The following TBC1D22A variants were observed in gnomAD, a reference collection of about 807,000 sequenced individuals.
The protein encoded by TBC1D22A is TBC1 domain family member 22A.
A neutral mutation model predicts 60.2 loss-of-function variants in TBC1D22A; 38 were observed. The ratio of observed to expected loss-of-function variants is 0.63; its 90% CI spans 0.49 to 0.83. The LOEUF is 0.83. Ranked by LOEUF, TBC1D22A falls within the 40% of genes least tolerant of loss-of-function variation. The pLI is 0.00. For missense variants in TBC1D22A, 628 were observed against 701.0 expected (o/e 0.90, Z 1.18); for synonymous variants, 302 against 281.7 (o/e 1.07, Z -0.72).
At chr22:46,956,481 A>AT (rs1569269791) in intron 8 of TBC1D22A, among the ~76,000 whole-genome samples, 2 of 152,242 alleles carry the variant, frequency 1.3e-5, no homozygotes, top group African/African-American at 2.4e-5. Context: ...ACTTACAAGT[A>AT]TCATGTAATA....
chr22:47,143,089 A>G lies in TBC1D22A; in HGVS notation c.1426-30409A>G, dbSNP rs141388896. Among the ~76,000 whole-genome samples, 903 of 152,078 alleles carry G rather than the reference A, an allele frequency of 5.9e-3. 7 individuals are homozygous for G. Among genetic ancestry groups the G allele is most frequent in the African/African-American group, 0.021 (852 of 41,506 alleles). ...AACTCCCCAGAGGAAGGTACTGGGA[A>G]GAGAGTGCCCCACCTAAGCCTTGGC... On this transcript the variant is annotated intron_variant, in intron 12 of 12. Coordinates refer to ENST00000337137, the MANE Select transcript of TBC1D22A (RefSeq NM_014346.5).
chr22:47,034,379 G>C (rs1041064898), intron 10 of TBC1D22A, among the ~76,000 whole-genome samples: 4 of 152,222 alleles, frequency 2.6e-5, no homozygotes, highest in Non-Finnish European at 5.9e-5. Context: ...TGGCACGTCA[G>C]CATCTTCTCT....
At chr22:46,815,447 C>T (rs1205045476) in intron 4 of TBC1D22A, among the ~76,000 whole-genome samples, 2 of 152,246 alleles carry the variant, frequency 1.3e-5, no homozygotes, top group East Asian at 1.9e-4. Flanking sequence ...GATGTTTTCT[C>T]GCTCAGAGTA....
intron 1 of TBC1D22A, among the ~76,000 whole-genome samples, chr22:46,770,000 C>T (rs2083432867): frequency 6.6e-6 from 1 of 152,120 alleles, no homozygotes; most frequent in Non-Finnish European, 1.5e-5. Flanking sequence ...GTGTCCTCAT[C>T]CTCATCCCTG....
intron 5 of TBC1D22A, among the ~76,000 whole-genome samples, chr22:46,884,882 A>G (rs947212332): frequency 2.0e-5 from 3 of 152,182 alleles, no homozygotes; most frequent in Admixed American, 6.5e-5. Context: ...GGGAGGGGCC[A>G]TGGTGAGTGA....
chr22:46,801,200 A>G (rs2146958700), intron 4 of TBC1D22A, among the ~76,000 whole-genome samples: 1 of 152,360 alleles, frequency 6.6e-6, no homozygotes, highest in African/African-American at 2.4e-5. Context: ...TCAAAGTTAA[A>G]CGATGACTGC....
At chr22:47,085,917 C>G (rs967493574) in intron 11 of TBC1D22A, among the ~76,000 whole-genome samples, 4 of 152,196 alleles carry the variant, frequency 2.6e-5, no homozygotes, top group Admixed American at 6.5e-5. Flanking sequence ...ACTTGCTGTC[C>G]ACCCATACGT....
intron 4 of TBC1D22A, among the ~76,000 whole-genome samples, chr22:46,870,697 G>A (rs2067257170): frequency 6.6e-6 from 1 of 152,194 alleles, no homozygotes; most frequent in African/African-American, 2.4e-5. Flanking sequence ...CAAGGTGCCG[G>A]CATCTGGTGA....
At chr22:46,878,389 A>G (rs1172526502) in intron 4 of TBC1D22A, among the ~76,000 whole-genome samples, 1 of 48,210 alleles carries the variant, frequency 2.1e-5, no homozygotes, top group Admixed American at 2.4e-4. Context: ...TGAAGGAGGA[A>G]GGGATCATGG....
chr22:46,992,890 C>A (rs1270947161), intron 9 of TBC1D22A, among the ~76,000 whole-genome samples: 1 of 151,846 alleles, frequency 6.6e-6, no homozygotes, highest in Non-Finnish European at 1.5e-5. Flanking sequence ...GTCTCTCAGG[C>A]CATTGCTTGC....
At chr22:46,936,499 G>A (rs1184317526) in intron 8 of TBC1D22A, among the ~76,000 whole-genome samples, 1 of 152,002 alleles carries the variant, frequency 6.6e-6, no homozygotes, top group African/African-American at 2.4e-5. Context: ...GCCCGCTGGG[G>A]CCTGGGGCCA....
intron 4 of TBC1D22A, among the ~76,000 whole-genome samples, chr22:46,874,676 T>C (rs935513782): frequency 6.7e-6 from 1 of 149,478 alleles, no homozygotes; most frequent in Non-Finnish European, 1.5e-5. Flanking sequence ...TGGGTTCAAG[T>C]GATTCTCCTG....
At chr22:47,126,782 G>A (rs1475618675) in intron 12 of TBC1D22A, among the ~76,000 whole-genome samples, 1 of 152,218 alleles carries the variant, frequency 6.6e-6, no homozygotes. Flanking sequence ...TGCCTCTACT[G>A]GGGGCACCCA....
chr22:47,121,679 A>G (rs2066275218), intron 12 of TBC1D22A, among the ~76,000 whole-genome samples: 1 of 151,840 alleles, frequency 6.6e-6, no homozygotes, highest in Non-Finnish European at 1.5e-5. Flanking sequence ...TCATTAGTAG[A>G]GTTATGGATA....
At chr22:47,016,976 G>A (rs930174016) in intron 10 of TBC1D22A, among the ~76,000 whole-genome samples, 5 of 152,320 alleles carry the variant, frequency 3.3e-5, no homozygotes, top group South Asian at 2.1e-4. Context: ...TGTCTGACGC[G>A]CTCAGGCCTG....
chr22:47,105,893 G>A (rs2065617459), intron 11 of TBC1D22A, among the ~76,000 whole-genome samples: 1 of 151,872 alleles, frequency 6.6e-6, no homozygotes, highest in Admixed American at 6.6e-5. Context: ...ACAGACTGCA[G>A]AAAGAGATCT....
intron 10 of TBC1D22A, among the ~76,000 whole-genome samples, chr22:47,016,247 C>T (rs1456618689): frequency 6.6e-6 from 1 of 152,100 alleles, no homozygotes; most frequent in East Asian, 1.9e-4. Flanking sequence ...CCAGGAAGCC[C>T]CTGTCACACT....
chr22:46,948,744 A>G (rs1235591430), intron 8 of TBC1D22A, among the ~76,000 whole-genome samples: 3 of 152,250 alleles, frequency 2.0e-5, no homozygotes, highest in East Asian at 1.9e-4. Context: ...GCCTGCTCCT[A>G]TTGTTAAGAG....
At chr22:46,827,444 CCTAAGGCATTT>C (rs1025526611) in intron 4 of TBC1D22A, among the ~76,000 whole-genome samples, 2 of 152,238 alleles carry the variant, frequency 1.3e-5, no homozygotes, top group African/African-American at 4.8e-5. Context: ...ATTGCCTATC[CCTAAGGCATTT>C]CAGCCACCCA....
Sources: allele counts gnomAD v4.1 joint callset (sites outside exome capture counted in the v4.1 genomes callset), GRCh38; gene constraint gnomAD v4.1.1; transcripts MANE v1.5; gene names NCBI Gene and HGNC (gene_info 2026-07-23, HGNC 2026-07-21).